SNX29: variants seen among roughly 807,000 people sequenced by gnomAD.
SNX29 encodes the protein sorting nexin 29.
SNX29 carries 78 observed loss-of-function variants against 102.1 expected under a neutral mutation model. The ratio of observed to expected loss-of-function variants is 0.76; its 90% confidence interval spans 0.64 to 0.92. The LOEUF is 0.92. Ranked by LOEUF, SNX29 falls within the 40% of genes least tolerant of loss-of-function variation. The probability of loss-of-function intolerance (pLI) is 0.00; values close to 1 mark genes in which losing one functional copy is unlikely to be tolerated. For synonymous variants in SNX29, 580 were observed against 414.5 expected (o/e 1.40, Z -4.85); for missense variants, 1,280 against 1,061.7 (o/e 1.21, Z -2.86).
intron 20 of SNX29, among the ~76,000 whole-genome samples, chr16:12,539,644 G>A (rs1209852862): frequency 1.3e-5 from 2 of 152,194 alleles, no homozygotes. Context: ...GTAAGAAACT[G>A]CATTCCCACA....
rs552329360 is a variant in SNX29, at chr16:12,341,193, G to GC, written c.1783-14967dup. On this transcript the variant is annotated intron_variant, in intron 15 of 20. Coordinates refer to ENST00000566228, the MANE Select transcript of SNX29 (RefSeq NM_032167.5). ...AAACTCATTAGAAAGTACTGCCTGG[G>GC]CCCATATAGCAGACAGAATACAAGT... 9.9e-5 allele frequency among the ~76,000 whole-genome samples: 15 copies of GC among 152,272 alleles called. No individual in the cohort carries two copies. In the South Asian group the frequency reaches 3.1e-3, roughly 32 times the overall value.
At chr16:11,999,492 T>C (rs1437702587) in intron 2 of SNX29, 134 bp downstream of exon 2, 2 of 868,580 alleles carry the variant, frequency 2.3e-6, no homozygotes, top group Non-Finnish European at 3.5e-6. Context: ...GATCTACTCA[T>C]TTTTCCCAGG....
At position 12,512,369 on chromosome 16, in the gene SNX29, A is replaced by AATAT. The variant is rs58157322; in HGVS notation, c.2179-12287_2179-12284dup. Among the ~76,000 whole-genome samples the AATAT allele has an allele frequency of 4.3e-3, 188 of 43,826 alleles. 1 individual carries two copies. The highest frequency in any genetic ancestry group is 5.6e-3 in the African/African-American group (60 of 10,782). 28.8% of individuals were successfully genotyped at this position (43,826 alleles called of 152,430 possible). The stretch of plus-strand genomic sequence containing the variant: ...CGTCCATCATGGAAGGCCCAGGGAA[A>AATAT]ATATATATATATATATATATATATA... On this transcript the variant is annotated intron_variant, in intron 19 of 20. Transcript: ENST00000566228.
chr16:12,040,559 C>G (rs1274130678), intron 4 of SNX29, among the ~76,000 whole-genome samples: 1 of 152,114 alleles, frequency 6.6e-6, no homozygotes, highest in African/African-American at 2.4e-5. Context: ...AGTAATTCGA[C>G]ATGTGGAAAT....
intron 13 of SNX29, among the ~76,000 whole-genome samples, chr16:12,165,107 T>TTAGCAGAA (rs1187544245): frequency 6.6e-6 from 1 of 152,238 alleles, no homozygotes; most frequent in African/African-American, 2.4e-5. Context: ...TAAGGACCAC[T>TTAGCAGAA]TAGCAGAACT....
intron 19 of SNX29, among the ~76,000 whole-genome samples, chr16:12,506,293 C>T (rs2089374952): frequency 6.6e-6 from 1 of 152,126 alleles, no homozygotes; most frequent in Non-Finnish European, 1.5e-5. Flanking sequence ...ATCACTGTAT[C>T]CAGGGGGACA....
intron 18 of SNX29, among the ~76,000 whole-genome samples, chr16:12,424,237 G>C (rs1172237503): frequency 6.6e-6 from 1 of 152,236 alleles, no homozygotes; most frequent in Non-Finnish European, 1.5e-5. Context: ...CAAGAGCAGA[G>C]TGTGGGTCTG....
chr16:12,330,678 A>T (rs2081268358), intron 15 of SNX29, among the ~76,000 whole-genome samples: 1 of 152,184 alleles, frequency 6.6e-6, no homozygotes, highest in Non-Finnish European at 1.5e-5. Context: ...CCTGGTTCTT[A>T]ACCAGCACGC....
Position 12,524,833 on chromosome 16 carries a change from C to G in SNX29, c.2310C>G (p.Pro770=). The G allele has an allele frequency of 5.0e-6, 8 of 1,613,500 alleles. No homozygotes were observed. Among genetic ancestry groups the G allele is most frequent in the Non-Finnish European group, 6.8e-6 (8 of 1,179,702 alleles). Residue 770 remains proline (P), a synonymous_variant, in exon 20 of 21, where the codon CCC becomes CCG. Transcript: ENST00000566228. ...AGGAGACCCTCATCCAGCTGATGCC[C>G]TTCTTCGTGTAAGTACTGCTCCCAC... The part of the protein sequence containing the change: ...PKKETLIQLM[P]FFVDITPPGE...
chr16:12,511,749 T>C (rs984082783), intron 19 of SNX29, among the ~76,000 whole-genome samples: 13 of 152,172 alleles, frequency 8.5e-5, no homozygotes, highest in African/African-American at 2.4e-4. Flanking sequence ...TGCCCAGGGA[T>C]TGGGGCTATG....
intron 10 of SNX29, among the ~76,000 whole-genome samples, chr16:12,074,491 C>T (rs1232635283): frequency 6.6e-6 from 1 of 152,100 alleles, no homozygotes; most frequent in African/African-American, 2.4e-5. Context: ...TGAATATTGG[C>T]CCCCACTCTC....
At chr16:12,287,653 A>G (rs1190951263) in intron 15 of SNX29, among the ~76,000 whole-genome samples, 1 of 152,238 alleles carries the variant, frequency 6.6e-6, no homozygotes, top group Non-Finnish European at 1.5e-5. Flanking sequence ...CACACCCTAA[A>G]GTTAGCAGTA....
In SNX29 at chr16:12,512,369, AATATATATATATATATATATATATATAT is replaced by A. The variant is rs58157322; in HGVS notation, c.2179-12311_2179-12284del. On this transcript the variant is annotated intron_variant, in intron 19 of 20. Coordinates refer to ENST00000566228, the MANE Select transcript of SNX29 (RefSeq NM_032167.5). ...CGTCCATCATGGAAGGCCCAGGGAA[AATATATATATATATATATATATATATAT>A]ATATATATATATATATATATAGTTT... Among the ~76,000 whole-genome samples, 74 of 43,938 alleles carry A rather than the reference AATATATATATATATATATATATATATAT, an allele frequency of 1.7e-3. 4 individuals carry two copies. The highest frequency in any genetic ancestry group is 3.7e-3 in the Admixed American group (14 of 3,764). The allele number at this position is 43,938 out of a possible 152,430, so 28.8% of individuals were successfully genotyped here.
rs961968089 is a variant in SNX29 at position 12,130,212 on chromosome 16, G to C, written c.1595+454G>C. Among the ~76,000 whole-genome samples the C allele has an allele frequency of 6.0e-5, 9 of 149,834 alleles. No homozygotes were observed. In the East Asian group the frequency reaches 9.9e-4, roughly 17 times the overall value. On this transcript the variant is annotated intron_variant, in intron 13 of 20. Coordinates refer to ENST00000566228, the MANE Select transcript of SNX29 (RefSeq NM_032167.5). ...AAAAAAAAAGCCGGGCATGATGGCTGACACCTGTAATCCCAACACTTTGGG... is the reference window on the plus strand; with the variant it reads ...AAAAAAAAAGCCGGGCATGATGGCTCACACCTGTAATCCCAACACTTTGGG...
intron 18 of SNX29, among the ~76,000 whole-genome samples, chr16:12,443,634 A>G (rs745754125): frequency 1.3e-5 from 2 of 152,208 alleles, no homozygotes; most frequent in Non-Finnish European, 2.9e-5. Context: ...TGTTTTCATT[A>G]GAGACAGGTT....
rs111776708 is a variant in SNX29 at position 12,434,652 on chromosome 16, C to T, written c.2037+31123C>T. Among the ~76,000 whole-genome samples, 202 of 152,254 alleles carry T rather than the reference C, an allele frequency of 1.3e-3. 2 individuals are homozygous for T. Among genetic ancestry groups the T allele is most frequent in the African/African-American group, 1.9e-3 (80 of 41,548 alleles). On this transcript the variant is annotated intron_variant, in intron 18 of 20. Transcript: ENST00000566228. ...GACAGTTCCTCCAAGTGCTAGGGAC[C>T]CGCCAACACCCCTGCACAACGGCTG...
intron 18 of SNX29, among the ~76,000 whole-genome samples, chr16:12,460,210 G>T (rs560384736): frequency 2.0e-5 from 3 of 152,180 alleles, no homozygotes; most frequent in Non-Finnish European, 4.4e-5. Flanking sequence ...ACCACGGCTC[G>T]CAGCCAGACG....
At chr16:12,078,094 C>T (rs577631661) in intron 10 of SNX29, among the ~76,000 whole-genome samples, 8 of 152,316 alleles carry the variant, frequency 5.3e-5, no homozygotes, top group Admixed American at 3.9e-4. Flanking sequence ...TATCTCCATA[C>T]GGCACATCAC....
intron 13 of SNX29, among the ~76,000 whole-genome samples, chr16:12,190,202 G>A (rs1259559955): frequency 1.3e-5 from 2 of 152,124 alleles, no homozygotes; most frequent in African/African-American, 4.8e-5. Context: ...CTGGCCTAGT[G>A]CTGGAGGGTA....
Sources: gnomAD v4.1 joint callset for allele counts (sites outside exome capture counted in the v4.1 genomes callset) on GRCh38, gnomAD v4.1.1 for gene constraint, MANE v1.5 for transcripts, NCBI Gene and HGNC (gene_info 2026-07-23, HGNC 2026-07-21) for gene names.